NALF1: variants seen among roughly 807,000 people sequenced by gnomAD.
NALF1 encodes family with sequence similarity 155 member A.
NALF1 carries 3 observed loss-of-function variants against 48.4 expected under a neutral mutation model. The ratio of observed to expected loss-of-function variants is 0.06; its 90% CI spans 0.03 to 0.16. The LOEUF (loss-of-function observed/expected upper bound fraction) is 0.16. NALF1 is among the 10% of genes least tolerant of loss of function. The pLI is 1.00. For synonymous variants in NALF1, 262 were observed against 245.7 expected, an observed-to-expected ratio of 1.07 and a Z score of -0.62; for missense variants, 526 against 571.5, an observed-to-expected ratio of 0.92 and a Z score of 0.81.
intron 1 of NALF1, among the ~76,000 whole-genome samples, chr13:107,615,419 A>G (rs1879354170): frequency 1.3e-5 from 2 of 152,156 alleles, no homozygotes; most frequent in South Asian, 4.1e-4. Flanking sequence ...TCCCCCTGTC[A>G]AAGTCTCATG....
intron 1 of NALF1, among the ~76,000 whole-genome samples, chr13:107,708,766 G>T (rs930481285): frequency 6.6e-6 from 1 of 151,918 alleles, no homozygotes. Context: ...ACATGTGCAG[G>T]ATGTGCAAGT....
At chr13:107,844,903 G>T (rs1880131643) in intron 1 of NALF1, among the ~76,000 whole-genome samples, 1 of 151,960 alleles carries the variant, frequency 6.6e-6, no homozygotes, top group Admixed American at 6.6e-5. Context: ...CCTTTTTCAT[G>T]TTTATGATAC....
intron 2 of NALF1, among the ~76,000 whole-genome samples, chr13:107,176,848 G>C (rs905430936): frequency 6.6e-6 from 1 of 151,754 alleles, no homozygotes; most frequent in East Asian, 1.9e-4. Flanking sequence ...AAAAGAATAA[G>C]TCAAATTATT....
At chr13:107,497,561 G>A (rs768283530) in intron 1 of NALF1, among the ~76,000 whole-genome samples, 1 of 152,098 alleles carries the variant, frequency 6.6e-6, no homozygotes, top group Non-Finnish European at 1.5e-5. Flanking sequence ...CTTTCTTCAA[G>A]TACATCTTTC....
chr13:107,480,303 G>A (rs1001466021), intron 1 of NALF1, among the ~76,000 whole-genome samples: 3 of 152,140 alleles, frequency 2.0e-5, no homozygotes, highest in Non-Finnish European at 4.4e-5. Context: ...CCTTTTAATA[G>A]TAAAACATGT....
chr13:107,182,985 T>A (rs1879098495), intron 2 of NALF1, among the ~76,000 whole-genome samples: 1 of 152,162 alleles, frequency 6.6e-6, no homozygotes, highest in Non-Finnish European at 1.5e-5. Flanking sequence ...TTATTTTTGC[T>A]CCAACATGAA....
intron 1 of NALF1, among the ~76,000 whole-genome samples, chr13:107,458,924 T>G (rs1316181413): frequency 6.6e-6 from 1 of 152,132 alleles, no homozygotes; most frequent in Non-Finnish European, 1.5e-5. Context: ...TATACACACC[T>G]TCATGCCTCA....
rs554484391 is a variant in NALF1 at position 107,622,405 on chromosome 13, C to T, written c.915+243277G>A. 7.9e-4 allele frequency among the ~76,000 whole-genome samples: 120 copies of T among 151,726 alleles called. 1 individual carries two copies. Among genetic ancestry groups the T allele is most frequent in the African/African-American group, 2.4e-3 (99 of 41,332 alleles). On this transcript the variant is annotated intron_variant, in intron 1 of 2. Transcript: ENST00000375915. ...GCAGTGAGCCGAGATCGCACCGTTG[C>T]ACCCCAGCCTGGGCAACAACAGCAA...
At chr13:107,404,190 T>C (rs1883862102) in intron 1 of NALF1, among the ~76,000 whole-genome samples, 1 of 152,150 alleles carries the variant, frequency 6.6e-6, no homozygotes, top group Admixed American at 6.6e-5. Context: ...GGTTTTCTTT[T>C]TGACTAAAAC....
At chr13:107,454,901 C>T (rs576921804) in intron 1 of NALF1, among the ~76,000 whole-genome samples, 1 of 152,178 alleles carries the variant, frequency 6.6e-6, no homozygotes, top group Admixed American at 6.5e-5. Context: ...CTATTGTTTG[C>T]TAAGAGTTAA....
At chr13:107,586,294 G>T (rs867768759) in intron 1 of NALF1, among the ~76,000 whole-genome samples, 77 of 152,144 alleles carry the variant, frequency 5.1e-4, no homozygotes, top group African/African-American at 1.8e-3. Flanking sequence ...TTCACAGGAT[G>T]GTTAGTAAAA....
At chr13:107,544,185 C>A (rs1403679752) in intron 1 of NALF1, among the ~76,000 whole-genome samples, 1 of 152,090 alleles carries the variant, frequency 6.6e-6, no homozygotes, top group African/African-American at 2.4e-5. Context: ...TCTAAATAAG[C>A]TATCTCTTTC....
chr13:107,518,022 A>C lies in NALF1; in HGVS notation c.916-307267T>G, dbSNP rs145230138. 3.0e-3 allele frequency among the ~76,000 whole-genome samples: 460 copies of C among 152,260 alleles called. 1 individual carries two copies. The highest frequency in any genetic ancestry group is 0.011 in the African/African-American group (439 of 41,568). ...GAGTACAGCAGAACATAACCTAGACAAAAACAACCCATGAGTCCTGCACAG... is the reference window on the plus strand; with the variant it reads ...GAGTACAGCAGAACATAACCTAGACCAAAACAACCCATGAGTCCTGCACAG... On this transcript the variant is annotated intron_variant, in intron 1 of 2. Coordinates refer to ENST00000375915, the MANE Select transcript of NALF1 (RefSeq NM_001080396.3).
At chr13:107,408,409 C>G (rs1437528700) in intron 1 of NALF1, among the ~76,000 whole-genome samples, 1 of 151,962 alleles carries the variant, frequency 6.6e-6, no homozygotes, top group Non-Finnish European at 1.5e-5. Context: ...TATACACCTA[C>G]TATATACCCA....
At chr13:107,260,806 G>C (rs1384998340) in intron 1 of NALF1, among the ~76,000 whole-genome samples, 1 of 152,120 alleles carries the variant, frequency 6.6e-6, no homozygotes, top group Non-Finnish European at 1.5e-5. Flanking sequence ...CTTTCTTCCA[G>C]GGTTCTAATT....
At chr13:107,309,859 C>T (rs926652902) in intron 1 of NALF1, among the ~76,000 whole-genome samples, 1 of 152,156 alleles carries the variant, frequency 6.6e-6, no homozygotes, top group Non-Finnish European at 1.5e-5. Flanking sequence ...TGAGTGTTTT[C>T]TTTTAAATAA....
intron 1 of NALF1, among the ~76,000 whole-genome samples, chr13:107,435,142 T>C (rs571940190): frequency 6.6e-6 from 1 of 152,080 alleles, no homozygotes; most frequent in African/African-American, 2.4e-5. Context: ...TTGGCCTCTA[T>C]AAGAAATACA....
intron 2 of NALF1, among the ~76,000 whole-genome samples, chr13:107,178,533 T>C (rs149048129): frequency 6.6e-6 from 1 of 152,294 alleles, no homozygotes; most frequent in African/African-American, 2.4e-5. Context: ...AAAATGGCTT[T>C]TATCCAAAAC....
intron 1 of NALF1, among the ~76,000 whole-genome samples, chr13:107,804,209 G>A (rs147745414): frequency 5.5e-4 from 83 of 152,268 alleles, no homozygotes; most frequent in African/African-American, 1.8e-3. Flanking sequence ...CCTGAAAGGC[G>A]CAATTTGTCT....
Sources: allele counts gnomAD v4.1 joint callset (sites outside exome capture counted in the v4.1 genomes callset), GRCh38; gene constraint gnomAD v4.1.1; transcripts MANE v1.5; gene names NCBI Gene and HGNC (gene_info 2026-07-23, HGNC 2026-07-21).